The following ETV7 variants were observed in gnomAD, a reference collection of about 807,000 sequenced individuals.
The protein encoded by ETV7 is transcription factor ETV7.
ETV7 carries 43 observed loss-of-function variants against 39.1 expected under a neutral mutation model. The observed-to-expected ratio is 1.10, with a 90% confidence interval of 0.86 to 1.42. ETV7 has a LOEUF of 1.42. Among genes scored for constraint, ETV7 ranks in the 40% most tolerant of loss-of-function variants. The pLI, the probability that ETV7 is intolerant of heterozygous loss-of-function variation, is 0.00. For synonymous variants in ETV7, 196 were observed against 176.6 expected (o/e 1.11, Z -0.87); for missense variants, 432 against 442.3 (o/e 0.98, Z 0.21).
chr6:36,371,417 AT>A lies in ETV7; in HGVS notation c.576del (p.Leu192PhefsTer81). 6.2e-7 allele frequency: 1 copy of A among 1,603,192 alleles called. No individual in the cohort carries two copies. The highest frequency in any genetic ancestry group is 1.1e-5 in the South Asian group (1 of 89,176). ...CTGCAGCCGAGCTCTGCACAGTGACATAAGTTGAGGGACTCCTCCTTGCCAG... is the reference window on the plus strand; with the variant it reads ...CTGCAGCCGAGCTCTGCACAGTGACAAAGTTGAGGGACTCCTCCTTGCCAG... ...WTPGKEESLN[L>X]CHCAELGCRT... On this transcript the variant is annotated frameshift_variant, in exon 5 of 8. Coordinates refer to ENST00000340181, the MANE Select transcript of ETV7 (RefSeq NM_016135.4). LOFTEE classifies it high-confidence loss of function.
At position 36,366,288 on chromosome 6, in the gene ETV7, G is replaced by A; in HGVS notation, c.*357C>T. On this transcript the variant is annotated 3_prime_UTR_variant, in exon 8 of 8. Coordinates refer to ENST00000340181, the MANE Select transcript of ETV7 (RefSeq NM_016135.4). ...TTTCCTGCCTCAGCCCATTTCACAG[G>A]TGAGGAAATCTGAGGCTCAGTGAGG... 2 of 1,087,808 alleles carry A rather than the reference G, an allele frequency of 1.8e-6. No individual in the cohort carries two copies. The highest frequency in any genetic ancestry group is 6.4e-5 in the East Asian group (1 of 15,614). 67.4% of individuals were successfully genotyped at this position (1,087,808 alleles called of 1,614,324 possible). A position where few individuals can be genotyped will look rare whatever the true frequency, so the allele number is the denominator to read the frequency against.
At chr6:36,381,940 T>C (rs1429723431) in intron 2 of ETV7, among the ~76,000 whole-genome samples, 1 of 152,176 alleles carries the variant, frequency 6.6e-6, no homozygotes, top group African/African-American at 2.4e-5. Context: ...ATATTAATAG[T>C]TCTTGGAATT....
At position 36,386,974 on chromosome 6, in the gene ETV7, C is replaced by T. The variant is rs181388420; in HGVS notation, c.6+562G>A. ...TCCGAGGCTGTAACTGCCTGGGAAA[C>T]GCCAGCCACGGAGCTGCTGAGGATC... On this transcript the variant is annotated intron_variant, in intron 1 of 7. Coordinates refer to ENST00000340181, the MANE Select transcript of ETV7 (RefSeq NM_016135.4). 8.9e-4 allele frequency: 144 copies of T among 162,036 alleles called. 1 individual carries two copies. Among genetic ancestry groups the T allele is most frequent in the African/African-American group, 2.9e-3 (120 of 41,594 alleles). 10.0% of individuals were successfully genotyped at this position (162,036 alleles called of 1,614,324 possible). A position where few individuals can be genotyped will look rare whatever the true frequency, so the allele number is the denominator to read the frequency against.
chr6:36,365,811 C>T (rs1020755446), downstream of ETV7, among the ~76,000 whole-genome samples: 6 of 152,064 alleles, frequency 3.9e-5, no homozygotes, highest in African/African-American at 1.4e-4. Context: ...GCCTGAATGC[C>T]GAGTGAATTA....
downstream of ETV7, among the ~76,000 whole-genome samples, chr6:36,362,463 A>T (rs2127382787): frequency 6.6e-6 from 1 of 152,264 alleles, no homozygotes; most frequent in Middle Eastern, 3.4e-3. Flanking sequence ...ACCTCAAAAA[A>T]AAAATTTGTG....
At chr6:36,371,833 C>G (rs1020525689) in intron 4 of ETV7, among the ~76,000 whole-genome samples, 6 of 152,226 alleles carry the variant, frequency 3.9e-5, no homozygotes, top group African/African-American at 1.4e-4. Flanking sequence ...GTGACAGAGC[C>G]AGGTCTAGAA....
intron 6 of ETV7, 68 bp downstream of exon 6, chr6:36,368,861 G>A (rs1265844662): frequency 1.9e-6 from 3 of 1,603,838 alleles, no homozygotes; most frequent in Admixed American, 1.7e-5. Context: ...AGTGCTAGGG[G>A]TCCACTCTGA....
At chr6:36,371,800 G>C (rs988341090) in intron 4 of ETV7, among the ~76,000 whole-genome samples, 7 of 152,258 alleles carry the variant, frequency 4.6e-5, no homozygotes, top group Non-Finnish European at 8.8e-5. Context: ...CCTCATCTAT[G>C]AAAATGGCTG....
chr6:36,380,896 C>A (rs1773618720), intron 2 of ETV7, among the ~76,000 whole-genome samples: 1 of 152,074 alleles, frequency 6.6e-6, no homozygotes, highest in Admixed American at 6.5e-5. Flanking sequence ...CCGACTGGAC[C>A]TCTCTTCCCA....
At chr6:36,367,134 A>C (rs1195227390) in intron 6 of ETV7, among the ~76,000 whole-genome samples, 159 bp from the exon 7 acceptor site, 2 of 152,076 alleles carry the variant, frequency 1.3e-5, no homozygotes, top group African/African-American at 4.8e-5. Context: ...GGAAAAAGGC[A>C]GGGGAAGGTT....
intron 2 of ETV7, among the ~76,000 whole-genome samples, chr6:36,376,660 C>G (rs1166123234): frequency 1.3e-5 from 2 of 152,038 alleles, no homozygotes; most frequent in African/African-American, 4.8e-5. Flanking sequence ...CCTGTAGTCC[C>G]AGCTGCTCGG....
intron 1 of ETV7, 110 bp from the exon 2 acceptor site, chr6:36,385,779 C>T: frequency 8.7e-7 from 1 of 1,153,618 alleles, no homozygotes; most frequent in South Asian, 1.6e-5. Flanking sequence ...TTATCTCCAC[C>T]AGAAGACTGC....
chr6:36,364,807 C>T (rs1772659791), downstream of ETV7, among the ~76,000 whole-genome samples: 1 of 152,228 alleles, frequency 6.6e-6, no homozygotes, highest in Non-Finnish European at 1.5e-5. Flanking sequence ...TAAGAGAGGC[C>T]ATGGGGCATG....
chr6:36,363,596 G>A (rs1011179687), downstream of ETV7, among the ~76,000 whole-genome samples: 1 of 152,254 alleles, frequency 6.6e-6, no homozygotes, highest in Non-Finnish European at 1.5e-5. Flanking sequence ...AGCTCCCACG[G>A]TGTCAAAGGG....
intron 3 of ETV7, among the ~76,000 whole-genome samples, chr6:36,375,128 T>C (rs553595064): frequency 6.6e-6 from 1 of 150,814 alleles, no homozygotes; most frequent in East Asian, 1.9e-4. Flanking sequence ...GTGTTAGGTA[T>C]AAACAGGCAA....
At chr6:36,372,171 G>A (rs976049514) in intron 4 of ETV7, among the ~76,000 whole-genome samples, 1 of 152,228 alleles carries the variant, frequency 6.6e-6, no homozygotes, top group Admixed American at 6.5e-5. Flanking sequence ...CCTGAAGGAG[G>A]TAGAGGAGTG....
intron 7 of ETV7, among the ~76,000 whole-genome samples, chr6:36,358,224 C>T (rs149337633): frequency 3.9e-5 from 6 of 152,330 alleles, no homozygotes; most frequent in African/African-American, 1.2e-4. Context: ...GTCTTCCTCA[C>T]TTAAAAGCTG....
intron 7 of ETV7, among the ~76,000 whole-genome samples, chr6:36,356,365 G>A (rs545082016): frequency 9.3e-4 from 136 of 146,568 alleles, no homozygotes; most frequent in African/African-American, 2.5e-3. Context: ...ACAAACACAC[G>A]TATCCCAAAC....
rs536755662 is a variant in ETV7 at position 36,373,700 on chromosome 6, C to T, written c.308-122G>A. The T allele has an allele frequency of 2.8e-5, 33 of 1,175,632 alleles. No homozygotes were observed. In the South Asian group the frequency reaches 4.3e-4, roughly 15 times the overall value. 72.8% of individuals were successfully genotyped at this position (1,175,632 alleles called of 1,614,324 possible). A position where few individuals can be genotyped will look rare whatever the true frequency, so the allele number is the denominator to read the frequency against. On this transcript the variant is annotated intron_variant, in intron 3 of 7. Coordinates refer to ENST00000340181, the MANE Select transcript of ETV7 (RefSeq NM_016135.4). ...GGCATGTCTTGTCACAGCTTCATGCCGATGGCAAAGGGGTTCCTGCTGCAG... is the reference window on the plus strand; with the variant it reads ...GGCATGTCTTGTCACAGCTTCATGCTGATGGCAAAGGGGTTCCTGCTGCAG...
Sources: allele counts gnomAD v4.1 joint callset (sites outside exome capture counted in the v4.1 genomes callset), GRCh38; gene constraint gnomAD v4.1.1; transcripts MANE v1.5; gene names NCBI Gene and HGNC (gene_info 2026-07-23, HGNC 2026-07-21).